CDK14: variants seen among roughly 807,000 people sequenced by gnomAD.
CDK14 encodes cyclin dependent kinase 14, also known as cyclin-dependent kinase 14.
In CDK14, 34 loss-of-function variants were observed where a neutral mutation model predicts 60.7. That is an observed-to-expected ratio of 0.56 (90% CI 0.43 to 0.75). CDK14 has a LOEUF of 0.75. Ranked by LOEUF, CDK14 falls within the 30% of genes least tolerant of loss-of-function variation. CDK14 has a pLI of 0.00. For synonymous variants in CDK14, 197 were observed against 203.7 expected (o/e 0.97, Z 0.28); for missense variants, 482 against 564.1 (o/e 0.85, Z 1.47).
At chr7:90,636,278 A>C (rs1800146627) in intron 2 of CDK14, among the ~76,000 whole-genome samples, 2 of 152,286 alleles carry the variant, frequency 1.3e-5, no homozygotes, top group South Asian at 4.1e-4. Flanking sequence ...GGTTTGTCAT[A>C]GATAGCTCTT....
At chr7:90,684,006 A>G (rs1349066216) in intron 2 of CDK14, among the ~76,000 whole-genome samples, 1 of 151,820 alleles carries the variant, frequency 6.6e-6, no homozygotes, top group East Asian at 1.9e-4. Flanking sequence ...ATATTTTAAA[A>G]CTGTGTCCAC....
chr7:91,039,068 A>G (rs1447106789), intron 10 of CDK14, among the ~76,000 whole-genome samples: 1 of 151,408 alleles, frequency 6.6e-6, no homozygotes, highest in African/African-American at 2.5e-5. Flanking sequence ...GTATCTTTAC[A>G]CACACTCTCT....
At chr7:90,977,983 G>A (rs1014475291) in intron 9 of CDK14, among the ~76,000 whole-genome samples, 2 of 152,136 alleles carry the variant, frequency 1.3e-5, no homozygotes, top group African/African-American at 4.8e-5. Context: ...AGGAAAAATA[G>A]GGTGAGACAC....
At position 90,646,807 on chromosome 7, in the gene CDK14, T is replaced by C. The variant is rs140784095; in HGVS notation, c.123+42558T>C. On this transcript the variant is annotated intron_variant, in intron 2 of 14. Transcript: ENST00000380050. ...TAATTTATTTACCTGTTTTTAAAAA[T>C]TGGTGAACATTTAGGTTGTTTATTG... Among the ~76,000 whole-genome samples the C allele has an allele frequency of 5.3e-3, 802 of 152,322 alleles. 9 individuals are homozygous for C. The highest frequency in any genetic ancestry group is 0.017 in the African/African-American group (718 of 41,582).
chr7:90,858,684 C>T (rs1054078070), intron 5 of CDK14, among the ~76,000 whole-genome samples: 8 of 152,136 alleles, frequency 5.3e-5, no homozygotes, highest in African/African-American at 1.9e-4. Context: ...ACCTTGCCAT[C>T]ATTTAAAAAT....
At chr7:90,910,231 G>A (rs186997293) in intron 7 of CDK14, among the ~76,000 whole-genome samples, 403 of 152,198 alleles carry the variant, frequency 2.6e-3, no homozygotes, top group African/African-American at 9.3e-3. Flanking sequence ...TTGCAATGAT[G>A]CTTTGTAAAA....
intron 8 of CDK14, among the ~76,000 whole-genome samples, chr7:90,937,472 GTTTCCTATAGCAGTCAA>G (rs1258104837): frequency 6.6e-6 from 1 of 152,078 alleles, no homozygotes; most frequent in East Asian, 1.9e-4. Context: ...AAGTATCCTG[GTTTCCTATAGCAGTCAA>G]GTAAACATTG....
intron 14 of CDK14, among the ~76,000 whole-genome samples, chr7:91,205,187 T>C (rs1391640618): frequency 1.3e-5 from 2 of 152,184 alleles, no homozygotes; most frequent in African/African-American, 4.8e-5. Flanking sequence ...CACTTCTAGA[T>C]ATATACCCAA....
At chr7:91,079,624 T>C in intron 12 of CDK14, 144 bp downstream of exon 12, 1 of 702,574 alleles carries the variant, frequency 1.4e-6, no homozygotes, top group Non-Finnish European at 2.5e-6. Context: ...TGTTAAACCT[T>C]AACTGTGTGC....
chr7:90,790,719 T>A, intron 5 of CDK14, 67 bp downstream of exon 5: 1 of 971,804 alleles, frequency 1.0e-6, no homozygotes, highest in Non-Finnish European at 1.6e-6. Flanking sequence ...TTTAATATTA[T>A]ACACCTCTGA....
intron 5 of CDK14, among the ~76,000 whole-genome samples, chr7:90,832,347 A>T (rs1363118542): frequency 1.3e-5 from 2 of 152,158 alleles, no homozygotes; most frequent in Non-Finnish European, 2.9e-5. Context: ...ACCTTCCCTG[A>T]TGCTTGTAGT....
At chr7:90,889,272 T>G (rs1792042690) in intron 6 of CDK14, among the ~76,000 whole-genome samples, 1 of 152,218 alleles carries the variant, frequency 6.6e-6, no homozygotes. Flanking sequence ...AAGAATAGTT[T>G]GCAATAGTCT....
At chr7:90,828,992 T>C (rs1238441005) in intron 5 of CDK14, among the ~76,000 whole-genome samples, 2 of 152,040 alleles carry the variant, frequency 1.3e-5, no homozygotes, top group African/African-American at 4.8e-5. Flanking sequence ...CTCAGGAAAC[T>C]TACAATTATG....
chr7:91,001,367 T>G (rs1795828828), intron 10 of CDK14, among the ~76,000 whole-genome samples: 1 of 152,194 alleles, frequency 6.6e-6, no homozygotes, highest in South Asian at 2.1e-4. Context: ...ACTCTCAGAA[T>G]ACGTATCTTT....
At chr7:90,706,335 C>T (rs1393714434) in intron 2 of CDK14, among the ~76,000 whole-genome samples, 1 of 152,084 alleles carries the variant, frequency 6.6e-6, no homozygotes, top group South Asian at 2.1e-4. Flanking sequence ...TATTATTTTC[C>T]CCTACCCATT....
At chr7:90,857,283 C>T (rs1353690770) in intron 5 of CDK14, among the ~76,000 whole-genome samples, 1 of 152,052 alleles carries the variant, frequency 6.6e-6, no homozygotes, top group Non-Finnish European at 1.5e-5. Context: ...AAGTGGGATG[C>T]CAAGGTTTGA....
intron 2 of CDK14, among the ~76,000 whole-genome samples, chr7:90,703,465 GAT>G (rs1801832383): frequency 6.6e-6 from 1 of 152,156 alleles, no homozygotes. Context: ...ATGCATTTTA[GAT>G]ATCACCTGAA....
At chr7:90,986,688 T>C (rs1795380804) in intron 10 of CDK14, among the ~76,000 whole-genome samples, 2 of 152,002 alleles carry the variant, frequency 1.3e-5, no homozygotes, top group Admixed American at 1.3e-4. Flanking sequence ...GAGAGAACTT[T>C]AATGGGCTGT....
intron 11 of CDK14, among the ~76,000 whole-genome samples, chr7:91,064,407 A>G (rs192484126): frequency 6.6e-6 from 1 of 152,218 alleles, no homozygotes; most frequent in Non-Finnish European, 1.5e-5. Context: ...AATGTGGACA[A>G]ATTGGTCAAT....
Sources: allele counts gnomAD v4.1 joint callset (sites outside exome capture counted in the v4.1 genomes callset), GRCh38; gene constraint gnomAD v4.1.1; transcripts MANE v1.5; gene names NCBI Gene and HGNC (gene_info 2026-07-23, HGNC 2026-07-21).